Variants in UGT1A5 observed in about 807,000 individuals in gnomAD.
UGT1A5 encodes the protein UDP-glucuronosyltransferase 1A5.
UGT1A5 carries 29 observed loss-of-function variants against 40.3 expected under a neutral mutation model. The ratio of observed to expected loss-of-function variants is 0.72; its 90% CI spans 0.54 to 0.98. The LOEUF is 0.98. UGT1A5 is among the 50% of genes least tolerant of loss of function. The probability of loss-of-function intolerance (pLI) is 0.00; values close to 1 mark genes in which losing one functional copy is unlikely to be tolerated. For missense variants in UGT1A5, 678 were observed against 677.9 expected (o/e 1.00, Z 0.00); for synonymous variants, 257 against 262.5 (o/e 0.98, Z 0.20).
intron 1 of UGT1A5, chr2:233,742,090 C>T (rs539350164): frequency 2.6e-5 from 4 of 151,950 alleles, no homozygotes; most frequent in Admixed American, 1.3e-4. Flanking sequence ...TTTTACATTT[C>T]CAGGACCCAC....
At chr2:233,765,711 T>TTAA (rs10664358) in intron 1 of UGT1A5, among the ~76,000 whole-genome samples, 1,596 of 149,282 alleles carry the variant, frequency 0.011, 27 homozygotes, top group African/African-American at 0.036. Context: ...ATAATAATAA[T>TTAA]TAATAATAAT....
In UGT1A5 at chr2:233,743,013, C is replaced by A. The variant is rs1054809; in HGVS notation, c.868-24021C>A. On this transcript the variant is annotated intron_variant, in intron 1 of 4. Transcript: ENST00000373414. ...CAAATTGCATACAGATATTTTACAA[C>A]GATTGAAAGACAAACAGAGGTCCTA... The A allele has an allele frequency of 1.1e-4, 27 of 235,930 alleles. 1 individual carries two copies. The highest frequency in any genetic ancestry group is 7.5e-4 in the South Asian group (13 of 17,240). 14.6% of individuals were successfully genotyped at this position (235,930 alleles called of 1,614,324 possible). A position where few individuals can be genotyped will look rare whatever the true frequency, so the allele number is the denominator to read the frequency against.
chr2:233,729,524 A>G, intron 1 of UGT1A5: 1 of 1,614,234 alleles, frequency 6.2e-7, no homozygotes, highest in South Asian at 1.1e-5. Flanking sequence ...GAGCTACTAC[A>G]TAATGAGGCC....
At chr2:233,741,628 C>T (rs1691725357) in intron 1 of UGT1A5, 1 of 151,848 alleles carries the variant, frequency 6.6e-6, no homozygotes, top group Non-Finnish European at 1.5e-5. Context: ...CCCCATGAGC[C>T]CCTGTGGGAT....
At chr2:233,746,562 C>A (rs1365442579) in intron 1 of UGT1A5, among the ~76,000 whole-genome samples, 1 of 151,750 alleles carries the variant, frequency 6.6e-6, no homozygotes. Context: ...GCCCCTAGAG[C>A]ACCACACCCT....
Position 233,769,397 on chromosome 2 carries a change from A to T in UGT1A5, c.1307+958A>T, listed in dbSNP as rs1699854250. ...TCATCCGACAATAGATACTGTGTGC[A>T]TATGTGCGTGTGCGTTTGTGCATGT... is the stretch of plus-strand genomic sequence containing the variant. On this transcript the variant is annotated intron_variant, in intron 4 of 4. Transcript: ENST00000373414. This position sits in a 1 kb window ranked among gnomAD's most constrained non-coding sequence, Gnocchi z 4.4. 1.7e-6 allele frequency: 2 copies of T among 1,148,656 alleles called. No individual in the cohort carries two copies. Among genetic ancestry groups the T allele is most frequent in the East Asian group, 2.5e-5 (1 of 39,850 alleles). 71.2% of individuals were successfully genotyped at this position (1,148,656 alleles called of 1,614,324 possible).
At chr2:233,755,269 T>C in intron 1 of UGT1A5, 1 of 759,984 alleles carries the variant, frequency 1.3e-6, no homozygotes, top group East Asian at 5.3e-5. Context: ...TAGTCCACTA[T>C]GCTGGACTGC....
At chr2:233,716,813 G>C (rs1182670482) in intron 1 of UGT1A5, among the ~76,000 whole-genome samples, 1 of 152,094 alleles carries the variant, frequency 6.6e-6, no homozygotes, top group Admixed American at 6.6e-5. Context: ...GACGTTGCTG[G>C]GGTGACCTCA....
intron 1 of UGT1A5, among the ~76,000 whole-genome samples, chr2:233,764,785 C>T (rs567027233): frequency 9.9e-5 from 15 of 152,240 alleles, no homozygotes; most frequent in African/African-American, 3.4e-4. Flanking sequence ...GAAAAACCAT[C>T]CTCAGGGTGT....
chr2:233,769,855 C>G lies in UGT1A5; in HGVS notation c.1307+1416C>G. On this transcript the variant is annotated intron_variant, in intron 4 of 4. Transcript: ENST00000373414. The surrounding 1 kb of genome is among the most constrained non-coding windows in gnomAD (Gnocchi z 4.4). ...CCTGGGCAACAGAGTGAGACCCTGT[C>G]TCAAAAAAAAAAAAAAAAATGAAAA... is the stretch of plus-strand genomic sequence containing the variant. The G allele has an allele frequency of 2.7e-6, 1 of 372,080 alleles. No individual in the cohort carries two copies. The highest frequency in any genetic ancestry group is 7.2e-5 in the South Asian group (1 of 13,958). 23.0% of individuals were successfully genotyped at this position (372,080 alleles called of 1,614,324 possible).
chr2:233,742,713 C>A (rs546122146), intron 1 of UGT1A5: 1 of 152,522 alleles, frequency 6.6e-6, no homozygotes. Flanking sequence ...CCGATTTCAG[C>A]TCAGTGATAT....
intron 1 of UGT1A5, chr2:233,729,506 CT>C (rs2077870453): frequency 6.2e-7 from 1 of 1,614,044 alleles, no homozygotes; most frequent in African/African-American, 1.3e-5. Flanking sequence ...TATCATAGGT[CT>C]TGTGTGGAGC....
At chr2:233,761,017 G>A (rs1188733606) in intron 1 of UGT1A5, 1 of 1,614,178 alleles carries the variant, frequency 6.2e-7, no homozygotes, top group Non-Finnish European at 8.5e-7. Flanking sequence ...AGAGGTGACT[G>A]TCCAGGACCT....
At chr2:233,767,402 C>T (rs1699387838) in intron 2 of UGT1A5, among the ~76,000 whole-genome samples, 1 of 152,122 alleles carries the variant, frequency 6.6e-6, no homozygotes, top group Non-Finnish European at 1.5e-5. Flanking sequence ...ATCATTTTCT[C>T]TAAGAGACTC....
chr2:233,726,121 A>G (rs2077505060), intron 1 of UGT1A5, among the ~76,000 whole-genome samples: 1 of 152,216 alleles, frequency 6.6e-6, no homozygotes, highest in South Asian at 2.1e-4. Context: ...TGCCATGTTC[A>G]CACCACCTCA....
rs996102742 is a variant in UGT1A5 at position 233,755,058 on chromosome 2, G to A, written c.868-11976G>A. The A allele has an allele frequency of 3.7e-6, 5 of 1,333,560 alleles. No homozygotes were observed. In the African/African-American group the frequency reaches 6.0e-5, roughly 16 times the overall value. The allele number at this position is 1,333,560 out of a possible 1,614,324, so 82.6% of individuals were successfully genotyped here. On this transcript the variant is annotated intron_variant, in intron 1 of 4. Transcript: ENST00000373414. The stretch of plus-strand genomic sequence containing the variant: ...GCCTGCGCAGCCGCCCTCCGCCCTC[G>A]CCTCGCCATAGCGGTCATAGATATC...
At chr2:233,757,267 A>G (rs1696460945) in intron 1 of UGT1A5, among the ~76,000 whole-genome samples, 1 of 121,202 alleles carries the variant, frequency 8.3e-6, no homozygotes, top group Admixed American at 1.0e-4. Flanking sequence ...GTGGCAGCCG[A>G]TGCAATGATT....
chr2:233,727,891 C>T (rs1001940161), intron 1 of UGT1A5, among the ~76,000 whole-genome samples: 27 of 152,186 alleles, frequency 1.8e-4, no homozygotes, highest in East Asian at 1.7e-3. Flanking sequence ...ATGGCAGACA[C>T]GGCCAGGCAA....
At chr2:233,734,318 A>T (rs1468594401) in intron 1 of UGT1A5, among the ~76,000 whole-genome samples, 1 of 152,016 alleles carries the variant, frequency 6.6e-6, no homozygotes, top group African/African-American at 2.4e-5. Context: ...GTGTAGACGT[A>T]TTTATAGTAT....
Sources: allele counts gnomAD v4.1 joint callset (sites outside exome capture counted in the v4.1 genomes callset), GRCh38; gene constraint gnomAD v4.1.1; non-coding constraint Gnocchi (gnomAD v3.1); transcripts MANE v1.5; gene names NCBI Gene and HGNC (gene_info 2026-07-23, HGNC 2026-07-21).